ZNF506: variants seen among roughly 807,000 people sequenced by gnomAD.
ZNF506 encodes zinc finger protein 506.
ZNF506 carries 10 observed loss-of-function variants against 11.6 expected under a neutral mutation model. The observed-to-expected ratio is 0.86, with a 90% confidence interval of 0.53 to 1.46. ZNF506 has a LOEUF of 1.46. ZNF506 is among the 40% of genes most tolerant of loss of function. The pLI is 0.00. For missense variants in ZNF506, 425 were observed against 521.2 expected (o/e 0.82, Z 1.80); for synonymous variants, 156 against 173.3 (o/e 0.90, Z 0.78).
intron 3 of ZNF506, among the ~76,000 whole-genome samples, chr19:19,805,668 TAA>T (rs60023414): frequency 0.062 from 9,451 of 152,062 alleles, 828 homozygotes; most frequent in African/African-American, 0.2. Flanking sequence ...AAAGAGAACT[TAA>T]AGAGTTTTAG....
chr19:19,797,627 T>C (rs2062754369), intron 3 of ZNF506: 2 of 151,796 alleles, frequency 1.3e-5, no homozygotes. Flanking sequence ...ATTGTGTAAA[T>C]AGGGCAAAGC....
chr19:19,797,452 AAAAC>A (rs1353095309), intron 3 of ZNF506: 148 of 149,916 alleles, frequency 9.9e-4, no homozygotes, highest in African/African-American at 3.2e-3. Flanking sequence ...AAAAAAAAAA[AAAAC>A]AAATAAAATA....
intron 1 of ZNF506, among the ~76,000 whole-genome samples, chr19:19,817,572 G>A (rs918788478): frequency 2.0e-5 from 3 of 152,038 alleles, no homozygotes; most frequent in African/African-American, 7.2e-5. Flanking sequence ...GGGCTCTGTG[G>A]CTTCTCTCAG....
intron 3 of ZNF506, chr19:19,797,811 A>C (rs2062755929): frequency 6.6e-6 from 1 of 152,150 alleles, no homozygotes; most frequent in Non-Finnish European, 1.5e-5. Flanking sequence ...TTGATCAAAA[A>C]CATTTTTGTA....
rs1278269506 is a variant in ZNF506, at chr19:19,794,943, C to T, written c.944G>A (p.Cys315Tyr). Reference sequence around the variant, plus strand: ...GTTAAAAGCTTTGCCACATTCCTCACATTTGTAGGGTTTCTCTCCAGTATG... The same window carrying T: ...GTTAAAAGCTTTGCCACATTCCTCATATTTGTAGGGTTTCTCTCCAGTATG... ...IIHTGEKPYK[C>Y]EECGKAFNRS... Residue 315 changes from cysteine to tyrosine, a missense_variant, in exon 4 of 4, where the codon TGT (cysteine) becomes TAT (tyrosine). Transcript: ENST00000540806. 6.2e-7 allele frequency: 1 copy of T among 1,613,788 alleles called. No individual in the cohort carries two copies. Among genetic ancestry groups the T allele is most frequent in the East Asian group, 2.2e-5 (1 of 44,876 alleles).
intron 3 of ZNF506, among the ~76,000 whole-genome samples, chr19:19,801,409 C>T (rs1033055743): frequency 2.0e-5 from 3 of 151,844 alleles, no homozygotes; most frequent in Non-Finnish European, 2.9e-5. Flanking sequence ...GCAGAAGAAT[C>T]GCTTGAACCC....
chr19:19,821,053 T>A (rs993406336), intron 1 of ZNF506, among the ~76,000 whole-genome samples: 7 of 152,190 alleles, frequency 4.6e-5, no homozygotes, highest in Admixed American at 3.9e-4. Context: ...ACATTTGCCA[T>A]CACACACAGC....
At chr19:19,815,403 T>C (rs2062922210) in intron 1 of ZNF506, among the ~76,000 whole-genome samples, 1 of 152,176 alleles carries the variant, frequency 6.6e-6, no homozygotes, top group Non-Finnish European at 1.5e-5. Context: ...GTGGCAGCTG[T>C]GGGAAAAGGG....
chr19:19,800,896 C>T (rs1465391906), intron 3 of ZNF506, among the ~76,000 whole-genome samples: 1 of 151,914 alleles, frequency 6.6e-6, no homozygotes, highest in Admixed American at 6.6e-5. Flanking sequence ...AGCGGTGGCT[C>T]GCACCTGTAA....
chr19:19,795,698 A>C (rs1168273452), intron 3 of ZNF506, 38 bp from the exon 4 acceptor site: 3 of 1,470,310 alleles, frequency 2.0e-6, no homozygotes, highest in Non-Finnish European at 2.7e-6. Context: ...TTCAATTGCT[A>C]GACTCAGATA....
chr19:19,816,614 T>A (rs1461873642), intron 1 of ZNF506, among the ~76,000 whole-genome samples: 1 of 152,082 alleles, frequency 6.6e-6, no homozygotes, highest in African/African-American at 2.4e-5. Flanking sequence ...CGCCTTGGCC[T>A]CCCAAAGTGC....
chr19:19,798,669 A>AG (rs2062765734), intron 3 of ZNF506: 3 of 150,102 alleles, frequency 2.0e-5, no homozygotes, highest in Non-Finnish European at 1.5e-5. Flanking sequence ...AAAAAAAAAA[A>AG]AAAAAAAGAA....
chr19:19,819,572 C>T (rs2062954737), intron 1 of ZNF506, among the ~76,000 whole-genome samples: 1 of 151,994 alleles, frequency 6.6e-6, no homozygotes, highest in South Asian at 2.1e-4. Context: ...GTACTAAAAC[C>T]CAGGACCAGA....
At chr19:19,818,608 G>A (rs1311852283) in intron 1 of ZNF506, among the ~76,000 whole-genome samples, 1 of 152,174 alleles carries the variant, frequency 6.6e-6, no homozygotes, top group Non-Finnish European at 1.5e-5. Context: ...TTAACAAATA[G>A]AATGATTAGA....
chr19:19,801,799 A>G (rs917587084), intron 3 of ZNF506, among the ~76,000 whole-genome samples: 3 of 151,508 alleles, frequency 2.0e-5, no homozygotes, highest in Non-Finnish European at 2.9e-5. Flanking sequence ...TCAAAAAAAA[A>G]AGAGAAACCT....
intron 1 of ZNF506, among the ~76,000 whole-genome samples, chr19:19,817,951 C>A (rs924590916): frequency 1.3e-5 from 2 of 151,864 alleles, no homozygotes; most frequent in African/African-American, 4.8e-5. Context: ...CCTCAGCCTC[C>A]CAAGTAGCTG....
intron 1 of ZNF506, among the ~76,000 whole-genome samples, chr19:19,809,281 G>C (rs776272863): frequency 6.6e-6 from 1 of 152,142 alleles, no homozygotes; most frequent in Non-Finnish European, 1.5e-5. Flanking sequence ...ATACAGGAAA[G>C]AAATATTTTT....
At chr19:19,796,608 T>C (rs1396482826) in intron 3 of ZNF506, 1 of 152,128 alleles carries the variant, frequency 6.6e-6, no homozygotes, top group Non-Finnish European at 1.5e-5. Context: ...TTTCACCGTG[T>C]TAGCCAGGAT....
At chr19:19,799,748 C>T (rs964162099) in intron 3 of ZNF506, among the ~76,000 whole-genome samples, 5 of 151,770 alleles carry the variant, frequency 3.3e-5, no homozygotes, top group African/African-American at 1.2e-4. Context: ...ATGTCTATAC[C>T]GCTCAATTTA....
Sources: gnomAD v4.1 joint callset for allele counts (sites outside exome capture counted in the v4.1 genomes callset) on GRCh38, gnomAD v4.1.1 for gene constraint, MANE v1.5 for transcripts, NCBI Gene and HGNC (gene_info 2026-07-23, HGNC 2026-07-21) for gene names.